ANKRD55: variants seen among roughly 807,000 people sequenced by gnomAD.
ANKRD55 encodes the protein ankyrin repeat domain-containing protein 55.
A neutral mutation model predicts 60.6 loss-of-function variants in ANKRD55; 41 were observed. The observed-to-expected ratio is 0.68, with a 90% confidence interval of 0.53 to 0.88. The LOEUF is 0.88. ANKRD55 is among the 40% of genes least tolerant of loss of function. The probability of loss-of-function intolerance (pLI) is 0.00; values close to 1 mark genes in which losing one functional copy is unlikely to be tolerated. For synonymous variants in ANKRD55, 264 were observed against 290.3 expected, an observed-to-expected ratio of 0.91 and a Z score of 0.92; for missense variants, 732 against 767.6, an observed-to-expected ratio of 0.95 and a Z score of 0.55.
At chr5:56,118,172 CA>C (rs1756934196) in intron 8 of ANKRD55, among the ~76,000 whole-genome samples, 1 of 151,712 alleles carries the variant, frequency 6.6e-6, no homozygotes, top group Non-Finnish European at 1.5e-5. Flanking sequence ...CTTCATTGGC[CA>C]AAAGGTATAA....
At chr5:56,189,510 C>G (rs1759044106) in intron 2 of ANKRD55, among the ~76,000 whole-genome samples, 1 of 152,108 alleles carries the variant, frequency 6.6e-6, no homozygotes, top group Non-Finnish European at 1.5e-5. Context: ...CCCTGGAAAC[C>G]ACCATTCTGC....
rs150154852 is a variant in ANKRD55 at position 56,176,157 on chromosome 5, A to G, written c.307T>C (p.Tyr103His). 3 of 1,614,204 alleles carry G rather than the reference A, an allele frequency of 1.9e-6. No homozygotes were observed. Among genetic ancestry groups the G allele is most frequent in the East Asian group, 2.2e-5 (1 of 44,884 alleles). ...YGRTSLCLAT[Y>H]LGWLEGCVSL... is the part of the protein sequence containing the mutation. ...TGACAGGCACAAGTCAGTACCAGGT[A>G]GGTGGCCAGGCATAAACTTGTGCGG... Residue 103 changes from tyrosine to histidine, a missense_variant, in exon 4 of 12, where the codon TAC becomes CAC. Tyr to His is a moderately conservative substitution (Grantham distance 83). Transcript: ENST00000341048.
intron 8 of ANKRD55, among the ~76,000 whole-genome samples, chr5:56,122,801 T>G (rs567830664): frequency 6.6e-6 from 1 of 151,606 alleles, no homozygotes; most frequent in Admixed American, 6.6e-5. Flanking sequence ...GGTCTCACTC[T>G]GTCACCCAGG....
At chr5:56,102,812 G>A (rs1189657969) in intron 10 of ANKRD55, among the ~76,000 whole-genome samples, 1 of 151,926 alleles carries the variant, frequency 6.6e-6, no homozygotes, top group Non-Finnish European at 1.5e-5. Context: ...GAGAGTACTA[G>A]TTTAAATAAA....
rs151080246 is a variant in ANKRD55, at chr5:56,206,237, A to G, written c.59-22603T>C. Among the ~76,000 whole-genome samples the G allele has an allele frequency of 2.6e-5, 4 of 152,178 alleles. No individual in the cohort carries two copies. In the East Asian group the frequency reaches 7.7e-4, roughly 29 times the overall value. On this transcript the variant is annotated intron_variant, in intron 2 of 11. Transcript: ENST00000341048. The stretch of plus-strand genomic sequence containing the variant: ...AGTGATTTTCCTCCCTCAGCCTCCT[A>G]AAATGCTGGGATTACAAGCATGAGC...
At chr5:56,195,884 T>A (rs1759217000) in intron 2 of ANKRD55, among the ~76,000 whole-genome samples, 1 of 152,272 alleles carries the variant, frequency 6.6e-6, no homozygotes, top group Non-Finnish European at 1.5e-5. Context: ...AATTTTTACC[T>A]ATTATCATGG....
intron 2 of ANKRD55, among the ~76,000 whole-genome samples, chr5:56,229,004 G>C (rs897797275): frequency 6.6e-6 from 1 of 151,872 alleles, no homozygotes. Context: ...ACCCTGGCAC[G>C]GCCAGGCCCT....
At chr5:56,100,665 A>G (rs186513317) in intron 11 of ANKRD55, among the ~76,000 whole-genome samples, 1 of 152,376 alleles carries the variant, frequency 6.6e-6, no homozygotes, top group East Asian at 1.9e-4. Context: ...GCTTTTATGC[A>G]AACCTCAAAA....
intron 6 of ANKRD55, among the ~76,000 whole-genome samples, chr5:56,155,928 A>G (rs1045647992): frequency 6.6e-6 from 1 of 151,960 alleles, no homozygotes; most frequent in African/African-American, 2.4e-5. Flanking sequence ...ACATATATGG[A>G]TACATAATAT....
chr5:56,210,780 T>G (rs1222096590), intron 2 of ANKRD55, among the ~76,000 whole-genome samples: 2 of 152,198 alleles, frequency 1.3e-5, no homozygotes, highest in African/African-American at 4.8e-5. Flanking sequence ...TAGAAATAAC[T>G]TTATGAAACC....
At chr5:56,145,244 G>T (rs1015955446) in intron 6 of ANKRD55, among the ~76,000 whole-genome samples, 3 of 152,160 alleles carry the variant, frequency 2.0e-5, no homozygotes, top group Non-Finnish European at 4.4e-5. Flanking sequence ...TTCCCCTAGG[G>T]CACACAGTCA....
At chr5:56,152,175 T>TA (rs1758071591) in intron 6 of ANKRD55, among the ~76,000 whole-genome samples, 1 of 150,916 alleles carries the variant, frequency 6.6e-6, no homozygotes, top group Non-Finnish European at 1.5e-5. Flanking sequence ...ATTAAAAACT[T>TA]TTGTTTGTTA....
intron 6 of ANKRD55, among the ~76,000 whole-genome samples, chr5:56,159,046 T>C (rs1409974055): frequency 6.6e-6 from 1 of 151,756 alleles, no homozygotes; most frequent in Non-Finnish European, 1.5e-5. Flanking sequence ...GGGGTCTCAC[T>C]TTGTTGCCAG....
At chr5:56,170,907 A>G (rs1758600003) in intron 4 of ANKRD55, 104 bp from the exon 5 acceptor site, 1 of 1,045,492 alleles carries the variant, frequency 9.6e-7, no homozygotes, top group Non-Finnish European at 1.4e-6. Flanking sequence ...TTGGTTAAAA[A>G]CATATTTTAT....
chr5:56,128,159 T>C (rs932332890), intron 7 of ANKRD55, among the ~76,000 whole-genome samples: 67 of 152,044 alleles, frequency 4.4e-4, no homozygotes, highest in African/African-American at 1.6e-3. Flanking sequence ...ATAAGGAAAA[T>C]AGAAGCAAAA....
chr5:56,141,088 T>A (rs779802099), intron 7 of ANKRD55, among the ~76,000 whole-genome samples: 25 of 149,958 alleles, frequency 1.7e-4, no homozygotes, highest in Non-Finnish European at 2.4e-4. Flanking sequence ...TCTATATATA[T>A]ATGTGTGTGT....
chr5:56,100,051 G>T lies in ANKRD55; in HGVS notation c.*132C>A. On this transcript the variant is annotated 3_prime_UTR_variant, in exon 12 of 12. Transcript: ENST00000341048. ...ATCTTTATTTGGAATAAAGAATTTC[G>T]AGTTATAAAACTGATGGCTTATAGA... The T allele has an allele frequency of 8.4e-7, 1 of 1,197,138 alleles. No homozygotes were observed. Among genetic ancestry groups the T allele is most frequent in the Non-Finnish European group, 1.2e-6 (1 of 844,084 alleles). 74.2% of individuals were successfully genotyped at this position (1,197,138 alleles called of 1,614,324 possible). A position where few individuals can be genotyped will look rare whatever the true frequency, so the allele number is the denominator to read the frequency against.
chr5:56,106,465 G>A (rs1397046779), intron 10 of ANKRD55, among the ~76,000 whole-genome samples: 3 of 118,922 alleles, frequency 2.5e-5, no homozygotes, highest in African/African-American at 8.7e-5. Flanking sequence ...TTGCTCTGTC[G>A]CCCAGGCTGG....
At chr5:56,137,503 A>G in intron 7 of ANKRD55, 1 of 787,638 alleles carries the variant, frequency 1.3e-6, no homozygotes, top group South Asian at 1.4e-5. Context: ...AAGAAACTGA[A>G]GAAACAAAAA....
Sources: allele counts gnomAD v4.1 joint callset (sites outside exome capture counted in the v4.1 genomes callset), GRCh38; gene constraint gnomAD v4.1.1; transcripts MANE v1.5; gene names NCBI Gene and HGNC (gene_info 2026-07-23, HGNC 2026-07-21).